ANKEF1: variants seen among roughly 807,000 people sequenced by gnomAD.
The protein encoded by ANKEF1 is ankyrin repeat and EF-hand domain containing 1, also known as ankyrin repeat and EF-hand domain-containing protein 1.
ANKEF1 carries 43 observed loss-of-function variants against 65.1 expected under a neutral mutation model. The observed-to-expected ratio is 0.66, with a 90% CI of 0.52 to 0.85. The LOEUF is 0.85. Ranked by LOEUF, ANKEF1 falls within the 40% of genes least tolerant of loss-of-function variation. The pLI is 0.00. For missense variants in ANKEF1, 934 were observed against 952.9 expected (o/e 0.98, Z 0.26); for synonymous variants, 316 against 341.5 (o/e 0.93, Z 0.82).
Position 10,051,749 on chromosome 20 carries a change from T to C in ANKEF1, c.1730T>C (p.Leu577Pro), listed in dbSNP as rs1235923318. Residue 577 changes from leucine (L) to proline (P), a missense_variant, in exon 8 of 11, where the codon CTT (leucine) becomes CCT (proline). Coordinates refer to ENST00000378392, the MANE Select transcript of ANKEF1 (RefSeq NM_022096.6). ...HAGQQDIVEL[L>P]VESGALIDAA... ...GGCCAACAAGACATTGTTGAGCTTC[T>C]TGTTGAATCTGGAGCTTTAATAGAT... 6.2e-7 allele frequency: 1 copy of C among 1,613,888 alleles called. No homozygotes were observed. Among genetic ancestry groups the C allele is most frequent in the East Asian group, 2.2e-5 (1 of 44,864 alleles).
rs776545610 is a variant in ANKEF1 at position 10,054,519 on chromosome 20, A to C, written c.2092A>C (p.Lys698Gln). The C allele has an allele frequency of 3.1e-6, 5 of 1,608,406 alleles. No homozygotes were observed. Among genetic ancestry groups the C allele is most frequent in the Middle Eastern group, 1.7e-4 (1 of 6,036 alleles). Residue 698 changes from lysine (K) to glutamine (Q), a missense_variant, in exon 10 of 11, where the codon AAG (lysine) becomes CAG (glutamine). Lys to Gln is a moderately conservative substitution (Grantham distance 53). Transcript: ENST00000378392. ...PTTSEGKKVQKGNVVHLNSLI... is the reference protein window; with the variant it reads ...PTTSEGKKVQQGNVVHLNSLI... ...CACATCAGAGGGAAAGAAAGTACAG[A>C]AGGGTAATGTGGTTCATCTGAATTC...
rs139207179 is a variant in ANKEF1, at chr20:10,054,562, A to T, written c.2135A>T (p.Tyr712Phe). 2.5e-5 allele frequency: 41 copies of T among 1,609,358 alleles called. No homozygotes were observed. The African/African-American group carries it at 4.7e-4, about 18-fold the overall frequency. ...VHLNSLITSG[Y>F]TKKVDITFIP... The stretch of plus-strand genomic sequence containing the variant: ...CTGAATTCATTGATTACCAGTGGTT[A>T]TACTAAGAAAGTGGATATCACATTT... Residue 712 changes from tyrosine (Y) to phenylalanine (F), a missense_variant, in exon 10 of 11, where the codon TAT becomes TTT. Transcript: ENST00000378392.
intron 8 of ANKEF1, among the ~76,000 whole-genome samples, 186 bp downstream of exon 8, chr20:10,052,075 A>G (rs1984895496): frequency 6.6e-6 from 1 of 152,168 alleles, no homozygotes; most frequent in Admixed American, 6.6e-5. Context: ...TTGGTGTTGG[A>G]GGGCCAATTC....
intron 6 of ANKEF1, among the ~76,000 whole-genome samples, chr20:10,046,239 AAAAC>A (rs1384678727): frequency 1.3e-5 from 2 of 152,236 alleles, no homozygotes; most frequent in African/African-American, 2.4e-5. Flanking sequence ...TGTGTCTCAA[AAAAC>A]AAACAAACAA....
intron 7 of ANKEF1, among the ~76,000 whole-genome samples, chr20:10,050,990 A>G (rs1185636910): frequency 1.3e-5 from 2 of 152,190 alleles, no homozygotes; most frequent in Non-Finnish European, 1.5e-5. Flanking sequence ...CTCAGGTTTA[A>G]TTCCTTCTTC....
In ANKEF1 at chr20:10,044,374, T is replaced by G; in HGVS notation, c.547-20T>G. ...TGATGGGTATAAACAGCATCTCATA[T>G]TGGACTATTTCATGTCCAGTCCACA... On this transcript the variant is annotated intron_variant, in intron 4 of 10. Coordinates refer to ENST00000378392, the MANE Select transcript of ANKEF1 (RefSeq NM_022096.6). 6.2e-7 allele frequency: 1 copy of G among 1,612,904 alleles called. No homozygotes were observed. Among genetic ancestry groups the G allele is most frequent in the South Asian group, 1.1e-5 (1 of 90,950 alleles).
intron 6 of ANKEF1, 22 bp downstream of exon 6, chr20:10,045,719 G>C (rs757996391): frequency 6.2e-7 from 1 of 1,612,412 alleles, no homozygotes; most frequent in Non-Finnish European, 8.5e-7. Context: ...TAGCAATTTT[G>C]TGCTTCAAGT....
chr20:10,045,507 G>A, intron 5 of ANKEF1, 67 bp from the exon 6 acceptor site: 2 of 1,533,862 alleles, frequency 1.3e-6, no homozygotes, highest in South Asian at 1.1e-5. Context: ...TGCCGGTCTA[G>A]CTGTCAGTCT....
intron 6 of ANKEF1, among the ~76,000 whole-genome samples, chr20:10,048,077 A>G (rs16996688): frequency 0.055 from 8,406 of 152,194 alleles, 589 homozygotes; most frequent in African/African-American, 0.17. Context: ...GAATTGCACT[A>G]TGGAATTACT....
chr20:10,051,653 T>A lies in ANKEF1; in HGVS notation c.1644-10T>A. 1 of 1,599,912 alleles carries A rather than the reference T, an allele frequency of 6.3e-7. No homozygotes were observed. The highest frequency in any genetic ancestry group is 1.1e-5 in the South Asian group (1 of 90,022). On this transcript the variant is annotated splice_polypyrimidine_tract_variant and intron_variant, in intron 7 of 10. Coordinates refer to ENST00000378392, the MANE Select transcript of ANKEF1 (RefSeq NM_022096.6). The stretch of plus-strand genomic sequence containing the variant: ...GTATTTTTAGTTTGTTCATCTATCT[T>A]ATTTTACAGAGCTAACGTTAATGCA...
chr20:10,038,405 G>A lies in ANKEF1; in HGVS notation c.104G>A (p.Gly35Glu), dbSNP rs765521349. The A allele has an allele frequency of 2.5e-6, 4 of 1,613,900 alleles. No individual in the cohort carries two copies. The highest frequency in any genetic ancestry group is 3.4e-6 in the Non-Finnish European group (4 of 1,179,812). Residue 35 changes from glycine (G) to glutamate (E), a missense_variant, in exon 3 of 11, where the codon GGA (glycine) becomes GAA (glutamate). Gly to Glu is a moderately conservative substitution (Grantham distance 98, BLOSUM62 -2). Transcript: ENST00000378392. ...KKQIEKLTKL[G>E]YPELINYTEP... ...CAGATAGAGAAGCTGACCAAGCTTG[G>A]ATACCCTGAACTAATCAATTATACA...
At chr20:10,039,175 A>G (rs1213376351) in intron 3 of ANKEF1, among the ~76,000 whole-genome samples, 1 of 152,224 alleles carries the variant, frequency 6.6e-6, no homozygotes, top group Non-Finnish European at 1.5e-5. Context: ...TGGAAATACA[A>G]CTTCAAACTT....
rs746398311 is a variant in ANKEF1, at chr20:10,054,448, G to A, written c.2035-14G>A. 1.9e-5 allele frequency: 29 copies of A among 1,520,248 alleles called. No individual in the cohort carries two copies. Among genetic ancestry groups the A allele is most frequent in the Non-Finnish European group, 2.5e-5 (28 of 1,140,106 alleles). 94.2% of individuals were successfully genotyped at this position (1,520,248 alleles called of 1,614,324 possible). On this transcript the variant is annotated splice_polypyrimidine_tract_variant and intron_variant, in intron 9 of 10. Transcript: ENST00000378392. ...GATTTTTACAATTTATAATTTTTTT[G>A]TTCTTGTTTCCAGGAACTGCTGTCA...
chr20:10,043,242 C>G lies in ANKEF1; in HGVS notation c.467C>G (p.Ala156Gly). 1.2e-6 allele frequency: 2 copies of G among 1,614,132 alleles called. No individual in the cohort carries two copies. The highest frequency in any genetic ancestry group is 4.5e-5 in the East Asian group (2 of 44,880). The change falls in exon 4 of 11, where the codon GCT (alanine) becomes GGT (glycine). Residue 156 changes from alanine (A) to glycine (G), a missense_variant. By Grantham distance (60) the Ala-to-Gly change is moderately conservative. Transcript: ENST00000378392. ...TYEGKPIFLRACEDAHDVKDV... is the reference protein window; with the variant it reads ...TYEGKPIFLRGCEDAHDVKDV... ...GAAGGAAAGCCAATATTCCTTAGAG[C>G]TTGTGAAGATGCACATGATGTTAAA...
chr20:10,058,141 A>C lies in ANKEF1; in HGVS notation c.*2481A>C, dbSNP rs936263571. ...GTTGAGAGAAATGTAAATAAAAGTA[A>C]AGCTGCAGTAATAAATCATAACTGC... On this transcript the variant is annotated 3_prime_UTR_variant, in exon 11 of 11. Transcript: ENST00000378392. 3 of 152,206 alleles carry C rather than the reference A, an allele frequency of 2.0e-5. No homozygotes were observed. Among genetic ancestry groups the C allele is most frequent in the African/African-American group, 7.2e-5 (3 of 41,464 alleles). 9.4% of individuals were successfully genotyped at this position (152,206 alleles called of 1,614,324 possible).
intron 6 of ANKEF1, among the ~76,000 whole-genome samples, chr20:10,046,840 C>T (rs1984550579): frequency 6.6e-6 from 1 of 152,096 alleles, no homozygotes; most frequent in African/African-American, 2.4e-5. Context: ...AACTAACATG[C>T]CCGCATAACT....
At position 10,038,585 on chromosome 20, in the gene ANKEF1, T is replaced by TGTCAATGG. The variant is rs747180684; in HGVS notation, c.285_292dup (p.Glu98GlyfsTer6). ...AGGGCTGCAGAACTGGGCCATGAAT[T>TGTCAATGG]GTCAATGGAAATATTAGCAAAGGCA... On this transcript the variant is annotated frameshift_variant, in exon 3 of 11. Transcript: ENST00000378392. LOFTEE classifies it high-confidence loss of function. 6 of 1,613,962 alleles carry TGTCAATGG rather than the reference T, an allele frequency of 3.7e-6. No individual in the cohort carries two copies. The South Asian group carries it at 6.6e-5, about 18-fold the overall frequency.
chr20:10,036,949 G>C (rs1284863743), intron 2 of ANKEF1, among the ~76,000 whole-genome samples: 1 of 152,074 alleles, frequency 6.6e-6, no homozygotes, highest in Non-Finnish European at 1.5e-5. Flanking sequence ...CTTGAAATGG[G>C]GAGTCAGCAA....
At chr20:10,051,306 ATAT>A (rs1897642932) in intron 7 of ANKEF1, among the ~76,000 whole-genome samples, 1 of 152,360 alleles carries the variant, frequency 6.6e-6, no homozygotes, top group Non-Finnish European at 1.5e-5. Context: ...ATACATGGTA[ATAT>A]TTATAATTTA....
Sources: gnomAD v4.1 joint callset for allele counts (sites outside exome capture counted in the v4.1 genomes callset) on GRCh38, gnomAD v4.1.1 for gene constraint, MANE v1.5 for transcripts, NCBI Gene and HGNC (gene_info 2026-07-23, HGNC 2026-07-21) for gene names.